The following NGLY1 variants were observed in gnomAD, a reference collection of about 807,000 sequenced individuals.
The protein encoded by NGLY1 is N-glycanase 1.
NGLY1 carries 68 observed loss-of-function variants against 84.6 expected under a neutral mutation model. The observed-to-expected ratio is 0.80, with a 90% confidence interval of 0.66 to 0.98. The LOEUF (loss-of-function observed/expected upper bound fraction) is 0.98, where lower values mean the gene tolerates loss of function less well. Among genes scored for constraint, NGLY1 ranks in the 50% least tolerant of loss-of-function variants. The pLI is 0.00. For missense variants in NGLY1, 779 were observed against 770.2 expected, an observed-to-expected ratio of 1.01 and a Z score of -0.14; for synonymous variants, 280 against 275.2, an observed-to-expected ratio of 1.02 and a Z score of -0.17.
rs1388487956 is a variant in NGLY1 at position 25,752,682 on chromosome 3, T to C, written c.493-1419A>G. Among the ~76,000 whole-genome samples, 6 of 151,406 alleles carry C rather than the reference T, an allele frequency of 4.0e-5. No individual in the cohort carries two copies. The East Asian group carries it at 1.2e-3, about 29-fold the overall frequency. On this transcript the variant is annotated intron_variant, in intron 3 of 11. Transcript: ENST00000280700. ...AAAATTAAGTAGTCAAGCATAGTGTTGTGTGCCTGCAGTCCCAGCTACTCA... is the reference window on the plus strand; with the variant it reads ...AAAATTAAGTAGTCAAGCATAGTGTCGTGTGCCTGCAGTCCCAGCTACTCA...
At chr3:25,754,910 GA>G in intron 3 of NGLY1, 1 of 695,356 alleles carries the variant, frequency 1.4e-6, no homozygotes, top group East Asian at 2.5e-5. Context: ...TCCGGATAAC[GA>G]GTGGCTGGAT....
In NGLY1 at chr3:25,732,356, A is replaced by G. The variant is rs754079493; in HGVS notation, c.1388T>C (p.Val463Ala). The change falls in exon 9 of 12, where the codon GTG becomes GCG. Residue 463 changes from valine to alanine, a missense_variant. Val to Ala is a moderately conservative substitution (Grantham distance 64). Transcript: ENST00000280700. Reference protein sequence around the residue: ...GELGGRISGSVAWRVARGEMG... With the variant: ...GELGGRISGSAAWRVARGEMG... ...TTCACCTCGGGCTACTCTCCAAGCC[A>G]CTGACCCAGATATTCTTCCCCCAAG... The G allele has an allele frequency of 6.2e-7, 1 of 1,613,754 alleles. No homozygotes were observed. The highest frequency in any genetic ancestry group is 8.5e-7 in the Non-Finnish European group (1 of 1,179,718).
rs144863080 is a variant in NGLY1 at position 25,738,915 on chromosome 3, T to C, written c.881+662A>G. Among the ~76,000 whole-genome samples the C allele has an allele frequency of 1.7e-4, 26 of 152,328 alleles. No individual in the cohort carries two copies. The East Asian group carries it at 5.0e-3, about 29-fold the overall frequency. ...TTCAGAAAATCTGAAAACAGGCTTA[T>C]AAATTAAAGAATGGAAATTAATTTA... is the stretch of plus-strand genomic sequence containing the variant. On this transcript the variant is annotated intron_variant, in intron 5 of 11. Coordinates refer to ENST00000280700, the MANE Select transcript of NGLY1 (RefSeq NM_018297.4).
At chr3:25,733,796 A>G (rs1308936246) in intron 8 of NGLY1, 76 bp downstream of exon 8, 8 of 818,266 alleles carry the variant, frequency 9.8e-6, no homozygotes, top group Middle Eastern at 2.4e-4. Flanking sequence ...AAGAATTTCA[A>G]TAGGCTAATA....
At chr3:25,782,165 A>G (rs761274324) in intron 1 of NGLY1, among the ~76,000 whole-genome samples, 7 of 152,354 alleles carry the variant, frequency 4.6e-5, no homozygotes, top group South Asian at 2.1e-4. Flanking sequence ...TACTTTAAAA[A>G]TCATTACCAT....
At chr3:25,734,124 T>C in intron 7 of NGLY1, 142 bp from the exon 8 acceptor site, 5 of 1,135,402 alleles carry the variant, frequency 4.4e-6, no homozygotes, top group Non-Finnish European at 6.1e-6. Context: ...TAGAGTGCAG[T>C]GGCGTGATCT....
At position 25,783,293 on chromosome 3, in the gene NGLY1, T is replaced by C; in HGVS notation, c.98A>G (p.Lys33Arg). 1 of 1,609,120 alleles carries C rather than the reference T, an allele frequency of 6.2e-7. No individual in the cohort carries two copies. Among genetic ancestry groups the C allele is most frequent in the Non-Finnish European group, 8.5e-7 (1 of 1,177,996 alleles). Residue 33 changes from lysine (K) to arginine (R), a missense_variant, in exon 1 of 12, where the codon AAG becomes AGG. Coordinates refer to ENST00000280700, the MANE Select transcript of NGLY1 (RefSeq NM_018297.4). The surrounding 1 kb of genome is among the most constrained non-coding windows in gnomAD (Gnocchi z 4.5). The stretch of plus-strand genomic sequence containing the variant: ...GTTGTCAGCATAGGTGAGCAGCAGC[T>C]TGGAGGCCTCCAAAAAGGTCTCCGG... ...NTPETFLEASKLLLTYADNIL... is the reference protein window; with the variant it reads ...NTPETFLEASRLLLTYADNIL...
In NGLY1 at chr3:25,737,784, T is replaced by G. The variant is rs1286367286; in HGVS notation, c.882-329A>C. Among the ~76,000 whole-genome samples, 6 of 152,136 alleles carry G rather than the reference T, an allele frequency of 3.9e-5. No individual in the cohort carries two copies. The South Asian group carries it at 1.0e-3, about 26-fold the overall frequency. ...TGGTCTCGATCTCCTGACCTCGTGA[T>G]TCGCCCGCCTCAGCCTCCCAAAGTG... On this transcript the variant is annotated intron_variant, in intron 5 of 11. Transcript: ENST00000280700.
intron 8 of NGLY1, among the ~76,000 whole-genome samples, chr3:25,733,354 G>A (rs1040177590): frequency 6.6e-6 from 1 of 151,908 alleles, no homozygotes; most frequent in Non-Finnish European, 1.5e-5. Context: ...TACTATCAAA[G>A]GGGTATAAAA....
chr3:25,725,053 C>T (rs751265100), intron 10 of NGLY1, among the ~76,000 whole-genome samples: 5 of 152,132 alleles, frequency 3.3e-5, no homozygotes, highest in Non-Finnish European at 5.9e-5. Context: ...GTCATAAAAC[C>T]CCTATTTCAG....
At chr3:25,727,710 T>C (rs1341459658) in intron 10 of NGLY1, among the ~76,000 whole-genome samples, 1 of 152,224 alleles carries the variant, frequency 6.6e-6, no homozygotes, top group Non-Finnish European at 1.5e-5. Flanking sequence ...AGTACAAGTT[T>C]GCTGATGAAC....
rs1704903765 is a variant in NGLY1 at position 25,720,051 on chromosome 3, T to C, written c.1752A>G (p.Lys584=). The change falls in exon 11 of 12, where the codon AAA becomes AAG. Residue 584 remains lysine, a synonymous_variant. Coordinates refer to ENST00000280700, the MANE Select transcript of NGLY1 (RefSeq NM_018297.4). ...CTACTTGTGCTGTATCAGATCGCAA[T>C]TTCCATTCTACTGTTCCAGTCTGAA... ...QTFQTGTVEW[K]LRSDTAQVEL... The C allele has an allele frequency of 6.2e-7, 1 of 1,613,834 alleles. No individual in the cohort carries two copies.
chr3:25,722,759 G>A (rs984975440), intron 10 of NGLY1, among the ~76,000 whole-genome samples: 1 of 152,086 alleles, frequency 6.6e-6, no homozygotes, highest in African/African-American at 2.4e-5. Flanking sequence ...TCTTACAGCC[G>A]CTTGTAAGGA....
intron 11 of NGLY1, 108 bp from the exon 12 acceptor site, chr3:25,719,743 C>T: frequency 1.2e-6 from 1 of 844,518 alleles, no homozygotes; most frequent in Middle Eastern, 2.4e-4. Flanking sequence ...AAAATAAACC[C>T]TTAAAAATAA....
Position 25,736,187 on chromosome 3 carries a change from A to C in NGLY1, c.1004-38T>G, listed in dbSNP as rs183930870. ...GAGAAAAGAGAGCAATGGAAAAAAG[A>C]CAATGAAATCAGAATGACTTTCAAT... is the stretch of plus-strand genomic sequence containing the variant. On this transcript the variant is annotated intron_variant, in intron 6 of 11. Coordinates refer to ENST00000280700, the MANE Select transcript of NGLY1 (RefSeq NM_018297.4). The C allele has an allele frequency of 3.0e-4, 482 of 1,601,500 alleles. 1 individual carries two copies. In the African/African-American group the frequency reaches 5.6e-3, roughly 19 times the overall value.
chr3:25,754,076 C>G (rs1391412994), intron 3 of NGLY1, among the ~76,000 whole-genome samples: 1 of 151,966 alleles, frequency 6.6e-6, no homozygotes, highest in Non-Finnish European at 1.5e-5. Flanking sequence ...ATAATGGAGA[C>G]CAAAATAGAT....
intron 5 of NGLY1, among the ~76,000 whole-genome samples, chr3:25,739,162 G>C (rs1225481810): frequency 6.6e-6 from 1 of 152,158 alleles, no homozygotes; most frequent in Non-Finnish European, 1.5e-5. Context: ...TTAGCTATCA[G>C]ACAGTTAAAA....
chr3:25,761,473 T>C (rs1707322064), intron 3 of NGLY1, among the ~76,000 whole-genome samples: 1 of 152,136 alleles, frequency 6.6e-6, no homozygotes, highest in South Asian at 2.1e-4. Flanking sequence ...TGAAAATCAA[T>C]TAAGTCATCA....
intron 3 of NGLY1, among the ~76,000 whole-genome samples, chr3:25,752,286 G>T (rs1265796796): frequency 6.6e-6 from 1 of 152,028 alleles, no homozygotes; most frequent in African/African-American, 2.4e-5. Flanking sequence ...GCAGTGGTGA[G>T]ATCCTGGCTC....
Sources: gnomAD v4.1 joint callset for allele counts (sites outside exome capture counted in the v4.1 genomes callset) on GRCh38, gnomAD v4.1.1 for gene constraint, Gnocchi (gnomAD v3.1) non-coding constraint, MANE v1.5 for transcripts, NCBI Gene and HGNC (gene_info 2026-07-23, HGNC 2026-07-21) for gene names.